FBXO10: variants seen among roughly 807,000 people sequenced by gnomAD.
FBXO10 encodes the protein F-box protein 10.
Under a neutral mutation model 80.7 loss-of-function variants are expected in FBXO10, and 39 were observed. That is an observed-to-expected ratio of 0.48 (90% CI 0.37 to 0.63). The LOEUF is 0.63. Among genes scored for constraint, FBXO10 ranks in the 30% least tolerant of loss-of-function variants. FBXO10 has a pLI of 0.00. For missense variants in FBXO10, 1,025 were observed against 1,269.0 expected, an observed-to-expected ratio of 0.81 and a Z score of 2.92; for synonymous variants, 449 against 489.6, an observed-to-expected ratio of 0.92 and a Z score of 1.09.
At chr9:37,559,969 T>C (rs1036713698) in intron 1 of FBXO10, among the ~76,000 whole-genome samples, 1 of 152,216 alleles carries the variant, frequency 6.6e-6, no homozygotes, top group African/African-American at 2.4e-5. Context: ...AGGGCATTAT[T>C]ATAAAGCCCT....
chr9:37,536,791 T>C (rs576688300), intron 3 of FBXO10, among the ~76,000 whole-genome samples: 5 of 152,258 alleles, frequency 3.3e-5, no homozygotes, highest in African/African-American at 9.6e-5. Context: ...CCAGGCTTTG[T>C]TTCTCCTACT....
chr9:37,541,622 A>G lies in FBXO10; in HGVS notation c.147T>C (p.Cys49=). Residue 49 remains cysteine (C), a synonymous_variant, in exon 2 of 11, where the codon TGT becomes TGC. Transcript: ENST00000432825. ...GATGGCGGCACTCGGTGCAACCCAG[A>G]CACAGCTGCCGCCAGCGGGTGCTGT... ...SLDSTRWRQL[C]LGCTECRHPN... is the part of the protein sequence containing the mutation. 1 of 1,613,896 alleles carries G rather than the reference A, an allele frequency of 6.2e-7. No homozygotes were observed. The highest frequency in any genetic ancestry group is 8.5e-7 in the Non-Finnish European group (1 of 1,179,844).
intron 10 of FBXO10, chr9:37,515,088 G>A (rs570380919): frequency 2.8e-4 from 42 of 152,314 alleles, no homozygotes; most frequent in African/African-American, 1.0e-3. Flanking sequence ...ACTGGCAGGA[G>A]GCTGCTGCAG....
rs1822770690 is a variant in FBXO10, at chr9:37,571,961, C to T, written c.-7+4250G>A. On this transcript the variant is annotated intron_variant, in intron 1 of 10. Transcript: ENST00000432825. ...ACCAGCCTGGAAAATATGGCAAGACCTGGTCTCTACAAAAAAAAATAAAAT... is the reference window on the plus strand; with the variant it reads ...ACCAGCCTGGAAAATATGGCAAGACTTGGTCTCTACAAAAAAAAATAAAAT... Among the ~76,000 whole-genome samples the T allele has an allele frequency of 2.0e-5, 3 of 150,830 alleles. No homozygotes were observed. The South Asian group carries it at 6.3e-4, about 32-fold the overall frequency.
In FBXO10 at chr9:37,537,324, G is replaced by A. The variant is rs745610368; in HGVS notation, c.1205C>T (p.Pro402Leu). Residue 402 changes from proline to leucine, a missense_variant, in exon 3 of 11, where the codon CCC (proline) becomes CTC (leucine). Around this residue, in one of 3 missense-constraint regions of FBXO10, gnomAD observed 478 missense variants for 667.8 expected, o/e 0.72. Transcript: ENST00000432825. The part of the protein sequence containing the change: ...PPLPGASIQL[P>L]SCLVLNSLQQ... Reference sequence around the variant, plus strand: ...CAGTGAGTTCAGCACTAGGCAGCTGGGCAGCTGAATGGATGCTCCTGGTAG... The same window carrying A: ...CAGTGAGTTCAGCACTAGGCAGCTGAGCAGCTGAATGGATGCTCCTGGTAG... 8 of 1,609,764 alleles carry A rather than the reference G, an allele frequency of 5.0e-6. No homozygotes were observed. The highest frequency in any genetic ancestry group is 6.8e-6 in the Non-Finnish European group (8 of 1,177,668).
chr9:37,549,820 G>T (rs562608321), intron 1 of FBXO10, among the ~76,000 whole-genome samples: 9 of 152,164 alleles, frequency 5.9e-5, no homozygotes, highest in Non-Finnish European at 1.2e-4. Flanking sequence ...AACCCCTTTA[G>T]CAATACTACA....
At chr9:37,534,004 C>T (rs1254090154) in intron 3 of FBXO10, among the ~76,000 whole-genome samples, 1 of 151,954 alleles carries the variant, frequency 6.6e-6, no homozygotes, top group Non-Finnish European at 1.5e-5. Flanking sequence ...AGGATGTGTG[C>T]AGGTTAGGTG....
chr9:37,523,338 C>G (rs913868693), intron 6 of FBXO10, among the ~76,000 whole-genome samples: 11 of 151,928 alleles, frequency 7.2e-5, no homozygotes, highest in Non-Finnish European at 1.0e-4. Context: ...TCACTTGAGC[C>G]CAGGAGTTCC....
intron 1 of FBXO10, among the ~76,000 whole-genome samples, chr9:37,545,198 A>C (rs1822026914): frequency 2.7e-5 from 2 of 74,594 alleles, no homozygotes. Flanking sequence ...TTTTTTTGAG[A>C]CAGAGTCTCA....
chr9:37,564,792 A>G (rs1822564423), intron 1 of FBXO10, among the ~76,000 whole-genome samples: 1 of 152,230 alleles, frequency 6.6e-6, no homozygotes, highest in South Asian at 2.1e-4. Context: ...TTACAGGCTC[A>G]TAGGCAGAAG....
Position 37,553,831 on chromosome 9 carries a change from G to A in FBXO10, c.-6-12057C>T, listed in dbSNP as rs1468838131. 6.8e-5 allele frequency among the ~76,000 whole-genome samples: 10 copies of A among 147,078 alleles called. No individual in the cohort carries two copies. The East Asian group carries it at 8.0e-4, about 12-fold the overall frequency. The stretch of plus-strand genomic sequence containing the variant: ...TTAGGGAGGCTGAGGCAGGAGAATC[G>A]CTTGAACCTGGGAGGCAGAGGTTGC... On this transcript the variant is annotated intron_variant, in intron 1 of 10. Transcript: ENST00000432825.
chr9:37,565,667 T>C (rs1263776068), intron 1 of FBXO10, among the ~76,000 whole-genome samples: 2 of 152,234 alleles, frequency 1.3e-5, no homozygotes, highest in East Asian at 3.8e-4. Flanking sequence ...GTCTTCATTT[T>C]TCAGTTCAAG....
chr9:37,549,732 G>A (rs1051425149), intron 1 of FBXO10, among the ~76,000 whole-genome samples: 1 of 152,184 alleles, frequency 6.6e-6, no homozygotes, highest in African/African-American at 2.4e-5. Context: ...ATTACTTGAA[G>A]GAGAGCTCAC....
intron 5 of FBXO10, among the ~76,000 whole-genome samples, chr9:37,527,424 T>C (rs903149882): frequency 1.3e-5 from 2 of 152,214 alleles, no homozygotes; most frequent in African/African-American, 2.4e-5. Context: ...ACTATCCCTC[T>C]GGTATCTCGT....
At chr9:37,534,167 ATATAT>A (rs1288653761) in intron 3 of FBXO10, among the ~76,000 whole-genome samples, 1 of 152,034 alleles carries the variant, frequency 6.6e-6, no homozygotes, top group African/African-American at 2.4e-5. Context: ...TAATAATAAA[ATATAT>A]TATTATAAAT....
intron 1 of FBXO10, among the ~76,000 whole-genome samples, chr9:37,567,140 CT>C (rs369334837): frequency 2.8e-4 from 40 of 144,486 alleles, no homozygotes; most frequent in South Asian, 2.4e-3. Context: ...TTTTTTTTTT[CT>C]TTTTTTCTTT....
intron 9 of FBXO10, among the ~76,000 whole-genome samples, chr9:37,517,612 GGGTGGGA>G (rs1204967518): frequency 8.0e-6 from 1 of 125,380 alleles, no homozygotes; most frequent in Admixed American, 7.5e-5. Flanking sequence ...AAACAGCCTG[GGGTGGGA>G]GGTGGGAGCT....
intron 1 of FBXO10, among the ~76,000 whole-genome samples, chr9:37,575,278 G>A (rs974139736): frequency 6.6e-6 from 1 of 152,136 alleles, no homozygotes; most frequent in African/African-American, 2.4e-5. Context: ...AATTGTAAAA[G>A]AGAAGGCAAA....
chr9:37,540,468 C>T (rs1028938329), intron 2 of FBXO10, among the ~76,000 whole-genome samples: 1 of 152,108 alleles, frequency 6.6e-6, no homozygotes, highest in Non-Finnish European at 1.5e-5. Context: ...TGAGCCACTG[C>T]ACCTGGCCAA....
Sources: allele counts gnomAD v4.1 joint callset (sites outside exome capture counted in the v4.1 genomes callset), GRCh38; gene constraint gnomAD v4.1.1; regional missense constraint gnomAD v4.1.1; transcripts MANE v1.5; gene names NCBI Gene and HGNC (gene_info 2026-07-23, HGNC 2026-07-21).